Variants in ZNF37A observed in about 807,000 individuals in gnomAD.
ZNF37A encodes zinc finger protein 37a (KOX 21).
Under a neutral mutation model 12.3 loss-of-function variants are expected in ZNF37A, and 10 were observed. That is an observed-to-expected ratio of 0.82 (90% CI 0.50 to 1.38). ZNF37A has a LOEUF of 1.38. Ranked by LOEUF, ZNF37A falls within the 40% of genes most tolerant of loss-of-function variation. The probability of loss-of-function intolerance (pLI) is 0.00; values close to 1 mark genes in which losing one functional copy is unlikely to be tolerated. For synonymous variants in ZNF37A, 207 were observed against 223.0 expected, an observed-to-expected ratio of 0.93 and a Z score of 0.64; for missense variants, 580 against 651.2, an observed-to-expected ratio of 0.89 and a Z score of 1.19.
At chr10:38,134,954 T>C (rs1021490588) in intron 7 of ZNF37A, among the ~76,000 whole-genome samples, 1 of 152,280 alleles carries the variant, frequency 6.6e-6, no homozygotes, top group Non-Finnish European at 1.5e-5. Flanking sequence ...TTTTTTGTTA[T>C]GAAACTTTTG....
chr10:38,129,319 A>AAAAAAAAAAAAACAACAAC, downstream of ZNF37A, among the ~76,000 whole-genome samples: 6 of 116,228 alleles, frequency 5.2e-5, no homozygotes, highest in South Asian at 1.3e-3. Context: ...AAAAAAAAAA[A>AAAAAAAAAAAAACAACAAC]AAACTATTAT....
chr10:38,098,484 T>G (rs2067317988), intron 5 of ZNF37A, among the ~76,000 whole-genome samples: 1 of 152,226 alleles, frequency 6.6e-6, no homozygotes, highest in African/African-American at 2.4e-5. Flanking sequence ...TGATAAGTAT[T>G]GCATTGGGTA....
intron 5 of ZNF37A, among the ~76,000 whole-genome samples, chr10:38,113,834 T>C (rs769191430): frequency 2.0e-5 from 3 of 152,176 alleles, no homozygotes; most frequent in Non-Finnish European, 4.4e-5. Context: ...CACCATCAAC[T>C]TCTGCTATTC....
intron 7 of ZNF37A, among the ~76,000 whole-genome samples, chr10:38,132,141 C>A (rs1201651092): frequency 1.3e-5 from 2 of 152,128 alleles, no homozygotes; most frequent in Admixed American, 1.3e-4. Context: ...CTAGAACCTC[C>A]TGTTAAATAG....
intron 5 of ZNF37A, among the ~76,000 whole-genome samples, chr10:38,112,806 T>TCGGTC (rs2068920145): frequency 6.7e-6 from 1 of 148,600 alleles, no homozygotes; most frequent in Non-Finnish European, 1.5e-5. Flanking sequence ...TTGTCTTGTC[T>TCGGTC]TGTCTTCTTT....
At chr10:38,106,944 C>G (rs970398774) in intron 5 of ZNF37A, among the ~76,000 whole-genome samples, 2 of 152,106 alleles carry the variant, frequency 1.3e-5, no homozygotes, top group Non-Finnish European at 2.9e-5. Flanking sequence ...GGATATTATC[C>G]AGGAGAACTT....
At position 38,100,575 on chromosome 10, in the gene ZNF37A, C is replaced by T. The variant is rs970539681; in HGVS notation, c.15+3943C>T. On this transcript the variant is annotated intron_variant, in intron 5 of 7. Transcript: ENST00000685332. ...AAAGAAGAGAAATATGGCTCTGTTC[C>T]GCTTGGCTCACTGGCAGTCAGAGTT... Among the ~76,000 whole-genome samples the T allele has an allele frequency of 9.9e-5, 15 of 152,278 alleles. No individual in the cohort carries two copies. In the East Asian group the frequency reaches 1.5e-3, roughly 16 times the overall value.
At chr10:38,112,132 CAA>C (rs376784448) in intron 5 of ZNF37A, among the ~76,000 whole-genome samples, 5 of 117,820 alleles carry the variant, frequency 4.2e-5, no homozygotes, top group African/African-American at 6.3e-5. Context: ...CAACAACCAC[CAA>C]AAAAAAAAAA....
intron 5 of ZNF37A, among the ~76,000 whole-genome samples, chr10:38,104,983 CCCTGTTTGCAT>C (rs1158444213): frequency 6.6e-6 from 1 of 150,826 alleles, no homozygotes; most frequent in Non-Finnish European, 1.5e-5. Flanking sequence ...TGCTCCTTCT[CCCTGTTTGCAT>C]CCAATATTTT....
chr10:38,095,906 G>T (rs567388354), intron 4 of ZNF37A, 102 bp downstream of exon 4: 27 of 152,290 alleles, frequency 1.8e-4, no homozygotes, highest in African/African-American at 6.0e-4. Context: ...ACTGGGCTGG[G>T]CTGGGCACGG....
intron 7 of ZNF37A, among the ~76,000 whole-genome samples, chr10:38,131,609 C>T (rs1202636056): frequency 1.3e-5 from 2 of 152,074 alleles, no homozygotes; most frequent in Non-Finnish European, 2.9e-5. Flanking sequence ...AGGAGTACCC[C>T]AAATTTATTC....
chr10:38,141,516 C>T (rs955749014), intron 7 of ZNF37A: 5 of 152,170 alleles, frequency 3.3e-5, no homozygotes, highest in African/African-American at 1.2e-4. Context: ...AAGATTGAGA[C>T]ACTGTCACAG....
intron 5 of ZNF37A, among the ~76,000 whole-genome samples, chr10:38,102,565 T>C (rs1226709911): frequency 6.6e-6 from 1 of 151,920 alleles, no homozygotes; most frequent in African/African-American, 2.4e-5. Flanking sequence ...TTAAATCACA[T>C]AAAAAAAAGA....
rs1564932561 is a variant in ZNF37A at position 38,112,790 on chromosome 10, CTTTTCT to C, written c.16-1963_16-1958del. On this transcript the variant is annotated intron_variant, in intron 5 of 7. Transcript: ENST00000685332. ...CTTTTCTTTTCTTTTCTTTTCTTTTCTTTTCTTGTCTTGTCTTGTCTTCTTTTCTTT... is the reference window on the plus strand; with the variant it reads ...CTTTTCTTTTCTTTTCTTTTCTTTTCTGTCTTGTCTTGTCTTCTTTTCTTT... Among the ~76,000 whole-genome samples the C allele has an allele frequency of 4.4e-3, 192 of 43,990 alleles. 22 individuals are homozygous for C. The highest frequency in any genetic ancestry group is 6.7e-3 in the African/African-American group (81 of 12,108). 28.9% of individuals were successfully genotyped at this position (43,990 alleles called of 152,430 possible).
intron 1 of ZNF37A, 90 bp downstream of exon 1, chr10:38,094,580 G>A (rs2066991281): frequency 6.6e-6 from 1 of 152,596 alleles, no homozygotes; most frequent in Admixed American, 6.5e-5. Context: ...CGCCTGGCCT[G>A]GGTCCGAATC....
chr10:38,138,332 G>T (rs1428251382), intron 7 of ZNF37A: 1 of 152,118 alleles, frequency 6.6e-6, no homozygotes, highest in Non-Finnish European at 1.5e-5. Flanking sequence ...CAAACACTAA[G>T]TATAGATTTC....
chr10:38,142,651 A>G (rs1398231579), intron 7 of ZNF37A: 1 of 152,150 alleles, frequency 6.6e-6, no homozygotes, highest in Non-Finnish European at 1.5e-5. Context: ...TTTAGCTGAG[A>G]GAAGGTAATA....
exon 8 of ZNF37A, chr10:38,150,218 C>T (rs1416214898): frequency 6.8e-6 from 1 of 146,846 alleles, no homozygotes; most frequent in Non-Finnish European, 1.5e-5. Flanking sequence ...TTCAGAAGCT[C>T]CTCATCTGCT....
chr10:38,141,463 C>G (rs1022818871), intron 7 of ZNF37A: 1 of 152,058 alleles, frequency 6.6e-6, no homozygotes, highest in Non-Finnish European at 1.5e-5. Flanking sequence ...CACACATATC[C>G]AACTGGTTTT....
Sources: gnomAD v4.1 joint callset for allele counts (sites outside exome capture counted in the v4.1 genomes callset) on GRCh38, gnomAD v4.1.1 for gene constraint, MANE v1.5 for transcripts, NCBI Gene and HGNC (gene_info 2026-07-23, HGNC 2026-07-21) for gene names.